The following PTK2 variants were observed in gnomAD, a reference collection of about 807,000 sequenced individuals.
PTK2 encodes the protein focal adhesion kinase 1.
PTK2 carries 45 observed loss-of-function variants against 150.1 expected under a neutral mutation model. The ratio of observed to expected loss-of-function variants is 0.30; its 90% CI spans 0.24 to 0.38. The LOEUF is 0.38. Ranked by LOEUF, PTK2 falls within the 10% of genes least tolerant of loss-of-function variation. The pLI, the probability that PTK2 is intolerant of heterozygous loss-of-function variation, is 1.00. For synonymous variants in PTK2, 432 were observed against 449.2 expected, an observed-to-expected ratio of 0.96 and a Z score of 0.48; for missense variants, 919 against 1,307.3, an observed-to-expected ratio of 0.70 and a Z score of 4.58.
At chr8:140,935,925 G>T (rs939916897) in intron 1 of PTK2, among the ~76,000 whole-genome samples, 2 of 152,006 alleles carry the variant, frequency 1.3e-5, no homozygotes, top group African/African-American at 4.8e-5. Flanking sequence ...GGGATTACAG[G>T]TGTAAGCCAC....
At chr8:140,725,323 T>C (rs1210315883) in intron 22 of PTK2, among the ~76,000 whole-genome samples, 1 of 136,434 alleles carries the variant, frequency 7.3e-6, no homozygotes, top group Non-Finnish European at 1.6e-5. Context: ...CACCTTTTTC[T>C]GTTTCTGCTA....
chr8:140,773,472 T>C (rs1373912521), intron 14 of PTK2, among the ~76,000 whole-genome samples: 1 of 152,158 alleles, frequency 6.6e-6, no homozygotes, highest in African/African-American at 2.4e-5. Flanking sequence ...ATTTTAAATA[T>C]GGTGATTATG....
intron 22 of PTK2, among the ~76,000 whole-genome samples, chr8:140,728,941 C>T (rs777157470): frequency 6.6e-6 from 1 of 152,134 alleles, no homozygotes; most frequent in Non-Finnish European, 1.5e-5. Flanking sequence ...AATTGATACA[C>T]GCACACATGT....
intron 4 of PTK2, among the ~76,000 whole-genome samples, chr8:140,871,616 T>C (rs958614039): frequency 2.6e-5 from 4 of 152,180 alleles, no homozygotes; most frequent in African/African-American, 9.6e-5. Context: ...CTGGGTAACA[T>C]ATCAAGACCT....
At chr8:140,667,148 G>A (rs1179118316) in intron 30 of PTK2, among the ~76,000 whole-genome samples, 2 of 152,168 alleles carry the variant, frequency 1.3e-5, no homozygotes, top group Non-Finnish European at 2.9e-5. Context: ...CAAATGCACA[G>A]TTTCAGTTTT....
chr8:140,927,331 A>T (rs1423699156), intron 1 of PTK2: 1 of 152,232 alleles, frequency 6.6e-6, no homozygotes, highest in East Asian at 1.9e-4. Context: ...ATTTATCCAC[A>T]GTTTGACTGC....
intron 29 of PTK2, among the ~76,000 whole-genome samples, chr8:140,673,730 C>A (rs1484114547): frequency 6.6e-6 from 1 of 152,154 alleles, no homozygotes; most frequent in African/African-American, 2.4e-5. Flanking sequence ...CCAGCTGGCA[C>A]CCCTCGGGGC....
intron 1 of PTK2, among the ~76,000 whole-genome samples, chr8:140,954,002 C>T (rs550076833): frequency 2.0e-5 from 3 of 150,400 alleles, no homozygotes; most frequent in Non-Finnish European, 4.4e-5. Context: ...GGGTCTTGCT[C>T]TGTCACCCAG....
chr8:140,857,711 C>T (rs1397842717), intron 5 of PTK2, among the ~76,000 whole-genome samples: 1 of 152,146 alleles, frequency 6.6e-6, no homozygotes, highest in Non-Finnish European at 1.5e-5. Context: ...CTTACTTCCG[C>T]CAAGTGAGAG....
At chr8:140,901,806 C>T (rs903776146) in intron 2 of PTK2, among the ~76,000 whole-genome samples, 2 of 152,000 alleles carry the variant, frequency 1.3e-5, no homozygotes, top group Admixed American at 6.6e-5. Flanking sequence ...CCCTCCCCTA[C>T]CCCCAACAAT....
intron 16 of PTK2, among the ~76,000 whole-genome samples, chr8:140,754,364 G>A (rs2100064479): frequency 6.6e-6 from 1 of 152,218 alleles, no homozygotes; most frequent in Non-Finnish European, 1.5e-5. Context: ...GAATGAGTCA[G>A]TCTTGTCTTC....
intron 5 of PTK2, among the ~76,000 whole-genome samples, chr8:140,857,658 AG>A (rs2100133540): frequency 6.6e-6 from 1 of 152,222 alleles, no homozygotes; most frequent in Admixed American, 6.5e-5. Context: ...ACAGGAACAG[AG>A]GACATGTATG....
intron 2 of PTK2, among the ~76,000 whole-genome samples, chr8:140,912,087 T>G (rs2100163397): frequency 6.6e-6 from 1 of 151,506 alleles, no homozygotes; most frequent in South Asian, 2.1e-4. Flanking sequence ...TAACCAAAAT[T>G]TTAAAATTAG....
chr8:141,001,324 T>A (rs1291339318), upstream of PTK2: 6 of 146,794 alleles, frequency 4.1e-5, 1 homozygote, highest in East Asian at 1.2e-3. Flanking sequence ...GGCAGCCGGC[T>A]GAGGCGCGCG....
chr8:140,702,842 C>T, intron 24 of PTK2, 135 bp from the exon 28 acceptor site: 1 of 1,003,426 alleles, frequency 1.0e-6, no homozygotes, highest in East Asian at 2.6e-5. Context: ...TACCCATGTT[C>T]TAATCCCTTG....
intron 1 of PTK2, among the ~76,000 whole-genome samples, chr8:140,933,432 G>A (rs2100172595): frequency 6.6e-6 from 1 of 152,258 alleles, no homozygotes; most frequent in African/African-American, 2.4e-5. Context: ...AGCAGGTGGA[G>A]AATCTAGGCT....
At chr8:140,843,978 T>C (rs540594219) in intron 7 of PTK2, among the ~76,000 whole-genome samples, 3 of 152,356 alleles carry the variant, frequency 2.0e-5, no homozygotes, top group African/African-American at 7.2e-5. Flanking sequence ...AGGCAACTCC[T>C]GGATATGTGA....
chr8:140,929,046 A>C (rs2100170774), intron 1 of PTK2, among the ~76,000 whole-genome samples: 1 of 133,176 alleles, frequency 7.5e-6, no homozygotes, highest in South Asian at 2.5e-4. Context: ...GCTCACTGCA[A>C]GCTCCGCCTC....
chr8:140,672,358 A>C (rs13438931), intron 29 of PTK2, among the ~76,000 whole-genome samples: 3,488 of 152,242 alleles, frequency 0.023, 131 homozygotes, highest in African/African-American at 0.08. Context: ...TTATTGAAAG[A>C]AGCCAATATT....
Sources: gnomAD v4.1 joint callset for allele counts (sites outside exome capture counted in the v4.1 genomes callset) on GRCh38, gnomAD v4.1.1 for gene constraint, MANE v1.5 for transcripts, NCBI Gene and HGNC (gene_info 2026-07-23, HGNC 2026-07-21) for gene names.